Variants in ANKRD13C observed in about 807,000 individuals in gnomAD.
ANKRD13C encodes ankyrin repeat domain-containing protein 13C.
Under a neutral mutation model 65.5 loss-of-function variants are expected in ANKRD13C, and 16 were observed. That is an observed-to-expected ratio of 0.24 (90% CI 0.17 to 0.37). ANKRD13C has a LOEUF of 0.37. Ranked by LOEUF, ANKRD13C falls within the 10% of genes least tolerant of loss-of-function variation. The pLI is 1.00. For missense variants in ANKRD13C, 503 were observed against 655.9 expected (o/e 0.77, Z 2.55); for synonymous variants, 235 against 238.7 (o/e 0.98, Z 0.14).
intron 12 of ANKRD13C, among the ~76,000 whole-genome samples, chr1:70,266,364 T>C (rs915200303): frequency 6.6e-6 from 1 of 152,228 alleles, no homozygotes; most frequent in African/African-American, 2.4e-5. Flanking sequence ...TATAGGTGTA[T>C]CATTGTTCAT....
chr1:70,333,041 C>T (rs1681878471), intron 2 of ANKRD13C, among the ~76,000 whole-genome samples: 1 of 152,106 alleles, frequency 6.6e-6, no homozygotes, highest in African/African-American at 2.4e-5. Context: ...CATATCCTTT[C>T]TGAATGGTTC....
At chr1:70,282,795 C>T (rs1339816342) in intron 9 of ANKRD13C, among the ~76,000 whole-genome samples, 1 of 152,162 alleles carries the variant, frequency 6.6e-6, no homozygotes, top group Non-Finnish European at 1.5e-5. Flanking sequence ...TTTAAGATTG[C>T]TGCTCCAACC....
chr1:70,277,275 G>C lies in ANKRD13C; in HGVS notation c.1216-431C>G, dbSNP rs771575776. On this transcript the variant is annotated intron_variant, in intron 9 of 12. Transcript: ENST00000370944. ...GTTCAAGATCAGCTTAGCCAAGATG[G>C]TGAAACCCCGTCTTTACTAAAAATG... is the stretch of plus-strand genomic sequence containing the variant. Among the ~76,000 whole-genome samples, 18 of 152,216 alleles carry C rather than the reference G, an allele frequency of 1.2e-4. No individual in the cohort carries two copies. In the South Asian group the frequency reaches 2.1e-3, roughly 18 times the overall value.
At chr1:70,346,974 C>G (rs1179951122) in intron 1 of ANKRD13C, among the ~76,000 whole-genome samples, 1 of 151,726 alleles carries the variant, frequency 6.6e-6, no homozygotes, top group Non-Finnish European at 1.5e-5. Context: ...CGCCTGTAGT[C>G]CCAGCTACTC....
chr1:70,289,345 C>T (rs1679756089), intron 9 of ANKRD13C, among the ~76,000 whole-genome samples: 1 of 152,164 alleles, frequency 6.6e-6, no homozygotes, highest in African/African-American at 2.4e-5. Context: ...ATCAAGTTGT[C>T]TATCGTAAGT....
In ANKRD13C at chr1:70,296,168, G is replaced by A. The variant is rs772578514; in HGVS notation, c.1015C>T (p.Arg339Cys). 5.6e-6 allele frequency: 9 copies of A among 1,613,806 alleles called. No homozygotes were observed. The highest frequency in any genetic ancestry group is 1.1e-5 in the South Asian group (1 of 91,074). Residue 339 changes from arginine (R) to cysteine (C), a missense_variant, in exon 8 of 13, where the codon CGT becomes TGT. This residue lies in a region of ANKRD13C where 300 missense variants were observed against 478.3 expected (regional missense o/e 0.63). Coordinates refer to ENST00000370944, the MANE Select transcript of ANKRD13C (RefSeq NM_030816.5). ...CGAAAAAGCCATCCTGTCTGGGCACGCGTGAAAGAAATTGATTTTGTTGAT... is the reference window on the plus strand; with the variant it reads ...CGAAAAAGCCATCCTGTCTGGGCACACGTGAAAGAAATTGATTTTGTTGAT... ...TLSTKSISFTRAQTGWLFRED... is the reference protein window; with the variant it reads ...TLSTKSISFTCAQTGWLFRED...
chr1:70,307,926 G>A (rs971090298), intron 5 of ANKRD13C, among the ~76,000 whole-genome samples: 1 of 151,924 alleles, frequency 6.6e-6, no homozygotes, highest in Admixed American at 6.6e-5. Context: ...TCCAGCCCAG[G>A]TGACACAGCA....
intron 11 of ANKRD13C, among the ~76,000 whole-genome samples, chr1:70,272,320 G>A (rs1232915292): frequency 1.3e-5 from 2 of 151,696 alleles, no homozygotes; most frequent in African/African-American, 4.8e-5. Context: ...CCGCCTCCCG[G>A]GTTCAAGTGA....
At chr1:70,340,586 T>C (rs951730540) in intron 1 of ANKRD13C, among the ~76,000 whole-genome samples, 4 of 152,144 alleles carry the variant, frequency 2.6e-5, no homozygotes, top group Non-Finnish European at 5.9e-5. Context: ...CCTTATTGAT[T>C]TGTTGTTGTT....
chr1:70,320,989 A>G (rs1350877593), intron 3 of ANKRD13C, among the ~76,000 whole-genome samples: 2 of 150,940 alleles, frequency 1.3e-5, no homozygotes, highest in African/African-American at 4.9e-5. Context: ...GGGTCCCCCT[A>G]TGTTTCCCAG....
intron 12 of ANKRD13C, among the ~76,000 whole-genome samples, chr1:70,270,330 T>A (rs762927453): frequency 3.9e-5 from 6 of 152,212 alleles, no homozygotes; most frequent in Non-Finnish European, 8.8e-5. Context: ...TCAAGTAGAA[T>A]AAGAATTCTC....
At chr1:70,287,064 T>C (rs1679654255) in intron 9 of ANKRD13C, among the ~76,000 whole-genome samples, 1 of 152,056 alleles carries the variant, frequency 6.6e-6, no homozygotes, top group Non-Finnish European at 1.5e-5. Flanking sequence ...TTTATTTCTA[T>C]GTATAAAAAC....
rs1209279880 is a variant in ANKRD13C at position 70,275,961 on chromosome 1, CA to C, written c.1295+803del. 1.0e-2 allele frequency among the ~76,000 whole-genome samples: 371 copies of C among 37,258 alleles called. 1 individual carries two copies. The highest frequency in any genetic ancestry group is 0.018 in the South Asian group (23 of 1,244). 24.4% of individuals were successfully genotyped at this position (37,258 alleles called of 152,430 possible). On this transcript the variant is annotated intron_variant, in intron 10 of 12. Transcript: ENST00000370944. ...TGGGCGACAGAGCAAGACTCCATCT[CA>C]AAAAAAAAAAAAAAAAAAAACTATA...
At chr1:70,321,620 G>A (rs1437822580) in intron 3 of ANKRD13C, among the ~76,000 whole-genome samples, 3 of 152,082 alleles carry the variant, frequency 2.0e-5, no homozygotes, top group Admixed American at 1.3e-4. Context: ...GAGCTGTCTC[G>A]ATCAGAGAAA....
intron 9 of ANKRD13C, among the ~76,000 whole-genome samples, chr1:70,281,285 A>T (rs1001182019): frequency 4.6e-5 from 7 of 151,342 alleles, no homozygotes; most frequent in African/African-American, 1.7e-4. Context: ...TTCTCCCATT[A>T]GTCTTTGTGA....
At chr1:70,346,205 C>T (rs138712536) in intron 1 of ANKRD13C, among the ~76,000 whole-genome samples, 369 of 151,888 alleles carry the variant, frequency 2.4e-3, no homozygotes, top group South Asian at 7.1e-3. Context: ...AGGCACAATC[C>T]CAATTATGTC....
intron 7 of ANKRD13C, among the ~76,000 whole-genome samples, chr1:70,297,286 G>GGTTTTTTTTTTTTTTTTTTT (rs1558281019): frequency 3.2e-5 from 4 of 125,096 alleles, no homozygotes; most frequent in South Asian, 2.9e-4. Context: ...GTCCCTTTCT[G>GGTTTTTTTTTTTTTTTTTTT]ATTTTTTTTT....
chr1:70,325,834 G>A (rs1393718485), intron 2 of ANKRD13C, among the ~76,000 whole-genome samples: 1 of 151,996 alleles, frequency 6.6e-6, no homozygotes, highest in Non-Finnish European at 1.5e-5. Flanking sequence ...AGCCAAGATT[G>A]CGTCACTGCA....
In ANKRD13C at chr1:70,354,386, G is replaced by A. The variant is rs1046327147; in HGVS notation, c.23C>T (p.Ser8Leu). MTGEKIR[S>L]LRRDHKPSKE... ...GCTGGGCTTGTGGTCCCTCCGCAGT[G>A]AGCGGATCTTCTCCCCGGTCATCGC... The change falls in exon 1 of 13, where the codon TCA (serine) becomes TTA (leucine). Residue 8 changes from serine to leucine, a missense_variant. Physicochemically the swap from Ser to Leu is moderately radical, Grantham distance 145 (BLOSUM62 -2). Transcript: ENST00000370944. 1.3e-5 allele frequency: 21 copies of A among 1,613,194 alleles called. No individual in the cohort carries two copies. The highest frequency in any genetic ancestry group is 1.6e-5 in the Non-Finnish European group (19 of 1,179,448).
Sources: allele counts gnomAD v4.1 joint callset (sites outside exome capture counted in the v4.1 genomes callset), GRCh38; gene constraint gnomAD v4.1.1; regional missense constraint gnomAD v4.1.1; transcripts MANE v1.5; gene names NCBI Gene and HGNC (gene_info 2026-07-23, HGNC 2026-07-21).